The following NELL1 variants were observed in gnomAD, a reference collection of about 807,000 sequenced individuals.
NELL1 encodes the protein neural EGFL like 1.
NELL1 carries 76 observed loss-of-function variants against 107.4 expected under a neutral mutation model. The observed-to-expected ratio is 0.71, with a 90% CI of 0.59 to 0.86. NELL1 has a LOEUF of 0.86. NELL1 is among the 40% of genes least tolerant of loss of function. NELL1 has a pLI of 0.00. For synonymous variants in NELL1, 353 were observed against 341.2 expected, an observed-to-expected ratio of 1.03 and a Z score of -0.38; for missense variants, 1,024 against 1,005.5, an observed-to-expected ratio of 1.02 and a Z score of -0.25.
chr11:21,433,363 A>G (rs771834508), intron 15 of NELL1, among the ~76,000 whole-genome samples: 6 of 152,206 alleles, frequency 3.9e-5, no homozygotes, highest in Admixed American at 6.5e-5. Flanking sequence ...TCTCTTTGTT[A>G]TAATGATTTT....
At chr11:21,094,249 C>T (rs1485430841) in intron 12 of NELL1, among the ~76,000 whole-genome samples, 1 of 152,226 alleles carries the variant, frequency 6.6e-6, no homozygotes, top group Non-Finnish European at 1.5e-5. Context: ...CCATGTCTCA[C>T]ATCCAGGTCA....
chr11:20,994,837 T>C (rs1852054134), intron 12 of NELL1, among the ~76,000 whole-genome samples: 1 of 152,218 alleles, frequency 6.6e-6, no homozygotes, highest in Non-Finnish European at 1.5e-5. Context: ...TCTAATAAGG[T>C]AACCATATGC....
chr11:20,953,456 C>G (rs2134205680), intron 11 of NELL1, among the ~76,000 whole-genome samples: 1 of 152,210 alleles, frequency 6.6e-6, no homozygotes, highest in South Asian at 2.1e-4. Context: ...TAACTATAAA[C>G]AACATAAAGT....
At chr11:21,315,043 G>T (rs1232401225) in intron 14 of NELL1, among the ~76,000 whole-genome samples, 1 of 152,092 alleles carries the variant, frequency 6.6e-6, no homozygotes, top group Non-Finnish European at 1.5e-5. Context: ...TTTTAGTAGA[G>T]TTGGCGTGTC....
At chr11:21,161,942 A>ATT (rs1590693801) in intron 13 of NELL1, among the ~76,000 whole-genome samples, 2 of 70,896 alleles carry the variant, frequency 2.8e-5, no homozygotes, top group Admixed American at 1.7e-4. Flanking sequence ...TGGGAACATA[A>ATT]TCTTTTTTTT....
chr11:21,323,304 G>A (rs534864923), intron 14 of NELL1, among the ~76,000 whole-genome samples: 41 of 152,274 alleles, frequency 2.7e-4, no homozygotes, highest in African/African-American at 8.4e-4. Flanking sequence ...TTTAAAGCTC[G>A]CTGATGGTTC....
intron 14 of NELL1, among the ~76,000 whole-genome samples, chr11:21,245,267 C>G (rs1241789834): frequency 6.6e-6 from 1 of 152,134 alleles, no homozygotes; most frequent in Admixed American, 6.6e-5. Context: ...ATGCATGAGG[C>G]TTTGGAGTCA....
intron 14 of NELL1, among the ~76,000 whole-genome samples, chr11:21,269,738 A>G (rs1848704204): frequency 6.6e-6 from 1 of 151,804 alleles, no homozygotes; most frequent in Non-Finnish European, 1.5e-5. Flanking sequence ...GATCTACATA[A>G]AGAAAGAAAG....
intron 2 of NELL1, among the ~76,000 whole-genome samples, chr11:20,750,932 A>C (rs537488227): frequency 1.3e-5 from 2 of 152,170 alleles, no homozygotes; most frequent in Non-Finnish European, 2.9e-5. Context: ...GTTGGGGTTC[A>C]GCTTTTAAAA....
intron 14 of NELL1, among the ~76,000 whole-genome samples, chr11:21,342,084 C>T (rs190308975): frequency 1.4e-4 from 21 of 152,264 alleles, no homozygotes; most frequent in Admixed American, 9.1e-4. Flanking sequence ...ATTGTCTTCA[C>T]TGTATGTGGA....
intron 15 of NELL1, among the ~76,000 whole-genome samples, chr11:21,422,095 A>ATG (rs58034116): frequency 8.6e-4 from 102 of 118,454 alleles, no homozygotes; most frequent in African/African-American, 2.2e-3. Flanking sequence ...ATTTACACAT[A>ATG]TGTGTGTGTG....
At chr11:21,155,799 G>A (rs1373650089) in intron 13 of NELL1, among the ~76,000 whole-genome samples, 3 of 152,144 alleles carry the variant, frequency 2.0e-5, no homozygotes, top group African/African-American at 7.2e-5. Flanking sequence ...ATGGTAGCAA[G>A]GGAAGGATAT....
At chr11:20,905,751 A>G (rs1564960237) in intron 5 of NELL1, among the ~76,000 whole-genome samples, 1 of 152,106 alleles carries the variant, frequency 6.6e-6, no homozygotes, top group Non-Finnish European at 1.5e-5. Context: ...AAAAAGAAAA[A>G]TGAATAAAGA....
At chr11:21,520,193 T>A (rs1855682673) in intron 15 of NELL1, among the ~76,000 whole-genome samples, 1 of 152,132 alleles carries the variant, frequency 6.6e-6, no homozygotes, top group South Asian at 2.1e-4. Context: ...ATCTGTGGAT[T>A]TTGTCTCACC....
intron 3 of NELL1, among the ~76,000 whole-genome samples, chr11:20,800,765 T>C (rs1857265970): frequency 1.3e-5 from 2 of 152,148 alleles, no homozygotes; most frequent in South Asian, 4.1e-4. Flanking sequence ...GATGTGCCCG[T>C]GGCTGGAAAA....
At chr11:21,005,444 A>G (rs1028033178) in intron 12 of NELL1, among the ~76,000 whole-genome samples, 3 of 152,192 alleles carry the variant, frequency 2.0e-5, no homozygotes, top group Admixed American at 2.0e-4. Flanking sequence ...GGTTTTTGCC[A>G]GGGAAGGAAC....
intron 5 of NELL1, among the ~76,000 whole-genome samples, chr11:20,893,368 T>TG (rs1465545918): frequency 4.2e-5 from 3 of 71,374 alleles, no homozygotes; most frequent in African/African-American, 1.1e-4. Context: ...ATGTATCCCG[T>TG]GTTTTTTTTT....
chr11:21,546,744 A>G (rs995374044), intron 16 of NELL1, among the ~76,000 whole-genome samples: 1 of 151,980 alleles, frequency 6.6e-6, no homozygotes, highest in Non-Finnish European at 1.5e-5. Flanking sequence ...GTATTTCTTT[A>G]TTAGTGGCAT....
Position 21,370,955 on chromosome 11 carries a change from T to C in NELL1, c.1645+7T>C. 2.5e-6 allele frequency: 4 copies of C among 1,601,558 alleles called. No homozygotes were observed. The highest frequency in any genetic ancestry group is 2.7e-5 in the African/African-American group (2 of 74,660). On this transcript the variant is annotated splice_region_variant and intron_variant, in intron 15 of 19. Coordinates refer to ENST00000357134, the MANE Select transcript of NELL1 (RefSeq NM_006157.5). ...GGAAGCCACTGCGAGAAAGGTAATCTAGCTTGTTTTATGGGGGATAGGGAC... is the reference window on the plus strand; with the variant it reads ...GGAAGCCACTGCGAGAAAGGTAATCCAGCTTGTTTTATGGGGGATAGGGAC...
Sources: gnomAD v4.1 joint callset for allele counts (sites outside exome capture counted in the v4.1 genomes callset) on GRCh38, gnomAD v4.1.1 for gene constraint, MANE v1.5 for transcripts, NCBI Gene and HGNC (gene_info 2026-07-23, HGNC 2026-07-21) for gene names.